The following CADM2 variants were observed in gnomAD, a reference collection of about 807,000 sequenced individuals.
CADM2 encodes the protein cell adhesion molecule 2, also known as immunoglobulin superfamily member 4D.
Under a neutral mutation model 49.8 loss-of-function variants are expected in CADM2, and 12 were observed. That is an observed-to-expected ratio of 0.24 (90% CI 0.15 to 0.39). CADM2 has a LOEUF of 0.39. Ranked by LOEUF, CADM2 falls within the 10% of genes least tolerant of loss-of-function variation. The pLI is 1.00. For synonymous variants in CADM2, 214 were observed against 175.4 expected (o/e 1.22, Z -1.74); for missense variants, 378 against 492.3 (o/e 0.77, Z 2.20).
chr3:85,363,286 G>C (rs1206500706), intron 1 of CADM2, among the ~76,000 whole-genome samples: 1 of 152,196 alleles, frequency 6.6e-6, no homozygotes, highest in Non-Finnish European at 1.5e-5. Flanking sequence ...TGCTGAAGCA[G>C]ACATCTGACA....
intron 7 of CADM2, among the ~76,000 whole-genome samples, chr3:85,958,045 C>T (rs1267104242): frequency 3.3e-5 from 5 of 151,902 alleles, no homozygotes; most frequent in Non-Finnish European, 7.4e-5. Flanking sequence ...GCAATCTACC[C>T]ATCTGACAAA....
chr3:85,298,091 C>T (rs911256891), intron 1 of CADM2, among the ~76,000 whole-genome samples: 2 of 151,998 alleles, frequency 1.3e-5, no homozygotes, highest in Middle Eastern at 3.2e-3. Context: ...ACTCCTACAT[C>T]CGTGTTTGCT....
At chr3:86,005,062 T>C (rs1271484908) in intron 8 of CADM2, among the ~76,000 whole-genome samples, 4 of 152,134 alleles carry the variant, frequency 2.6e-5, no homozygotes, top group Non-Finnish European at 5.9e-5. Context: ...TTATTGTTAC[T>C]GCTTTTCCCA....
At chr3:85,112,596 T>C (rs2038499551) in intron 1 of CADM2, among the ~76,000 whole-genome samples, 1 of 151,876 alleles carries the variant, frequency 6.6e-6, no homozygotes, top group East Asian at 1.9e-4. Flanking sequence ...GTATGTGAAT[T>C]ATTACAAAAA....
intron 1 of CADM2, among the ~76,000 whole-genome samples, chr3:85,516,229 C>G (rs1418951858): frequency 6.6e-6 from 1 of 152,070 alleles, no homozygotes; most frequent in Non-Finnish European, 1.5e-5. Flanking sequence ...CTTTTGTGAG[C>G]TCCTTTTACT....
intron 1 of CADM2, among the ~76,000 whole-genome samples, chr3:85,415,081 G>A (rs1329586714): frequency 6.6e-6 from 1 of 152,088 alleles, no homozygotes; most frequent in Non-Finnish European, 1.5e-5. Flanking sequence ...ATTCTAAACC[G>A]CTGAGACTTT....
chr3:85,204,172 A>C (rs927132081), intron 1 of CADM2, among the ~76,000 whole-genome samples: 14 of 152,210 alleles, frequency 9.2e-5, no homozygotes, highest in Admixed American at 1.3e-4. Flanking sequence ...AATTTATAAA[A>C]TGGTGACCTT....
intron 7 of CADM2, among the ~76,000 whole-genome samples, chr3:85,946,073 C>T: frequency 6.6e-6 from 1 of 152,172 alleles, no homozygotes. Flanking sequence ...TAAGCAACTT[C>T]AGCAAAGTCT....
chr3:84,999,723 T>C (rs2033360416), intron 1 of CADM2, among the ~76,000 whole-genome samples: 1 of 152,168 alleles, frequency 6.6e-6, no homozygotes, highest in African/African-American at 2.4e-5. Flanking sequence ...CAAATGACCA[T>C]GAAAGCACTG....
intron 1 of CADM2, among the ~76,000 whole-genome samples, chr3:85,220,744 C>T (rs1476076500): frequency 6.6e-6 from 1 of 151,818 alleles, no homozygotes; most frequent in African/African-American, 2.4e-5. Flanking sequence ...ACTTGAATAC[C>T]GCCTTAGGAG....
At chr3:85,427,215 G>C in intron 1 of CADM2, among the ~76,000 whole-genome samples, 1 of 140,910 alleles carries the variant, frequency 7.1e-6, no homozygotes, top group Non-Finnish European at 1.5e-5. Context: ...TAATAAGTTT[G>C]TAGCTACCAT....
intron 7 of CADM2, among the ~76,000 whole-genome samples, chr3:85,944,602 C>A (rs1265415221): frequency 6.6e-6 from 1 of 152,016 alleles, no homozygotes; most frequent in Non-Finnish European, 1.5e-5. Flanking sequence ...CAAACTAGAA[C>A]TCAGGATTAA....
At chr3:85,778,390 T>A (rs1034351778) in intron 2 of CADM2, among the ~76,000 whole-genome samples, 1 of 152,154 alleles carries the variant, frequency 6.6e-6, no homozygotes, top group Non-Finnish European at 1.5e-5. Context: ...TCACCTTGAA[T>A]TGTAATCCCC....
intron 2 of CADM2, among the ~76,000 whole-genome samples, chr3:85,732,592 G>C (rs1030058493): frequency 2.0e-5 from 3 of 152,076 alleles, no homozygotes; most frequent in African/African-American, 7.2e-5. Flanking sequence ...GTGCAATAAT[G>C]TTTATTAAGA....
chr3:85,134,203 C>G (rs1429451804), intron 1 of CADM2, among the ~76,000 whole-genome samples: 1 of 152,230 alleles, frequency 6.6e-6, no homozygotes, highest in Non-Finnish European at 1.5e-5. Flanking sequence ...AGCTGGCCCG[C>G]AAGCGCCGCG....
At chr3:85,135,539 T>G (rs2039391579) in intron 1 of CADM2, among the ~76,000 whole-genome samples, 1 of 152,108 alleles carries the variant, frequency 6.6e-6, no homozygotes. Context: ...TACTCATCAT[T>G]GTAATCAGAA....
chr3:85,544,449 C>T (rs1328061835), intron 1 of CADM2, among the ~76,000 whole-genome samples: 3 of 152,074 alleles, frequency 2.0e-5, no homozygotes, highest in African/African-American at 7.2e-5. Context: ...CTGTGGCGGA[C>T]GCCTGTAGTC....
At chr3:85,762,490 C>G (rs2069437700) in intron 2 of CADM2, among the ~76,000 whole-genome samples, 1 of 151,926 alleles carries the variant, frequency 6.6e-6, no homozygotes, top group Non-Finnish European at 1.5e-5. Context: ...AATCCCCATT[C>G]TCTGCCAAGC....
intron 8 of CADM2, among the ~76,000 whole-genome samples, chr3:86,009,232 CAT>C (rs1468899326): frequency 7.2e-6 from 1 of 138,804 alleles, no homozygotes; most frequent in African/African-American, 2.7e-5. Context: ...TATATATATA[CAT>C]ATATATATTC....
Sources: gnomAD v4.1 joint callset for allele counts (sites outside exome capture counted in the v4.1 genomes callset) on GRCh38, gnomAD v4.1.1 for gene constraint, MANE v1.5 for transcripts, NCBI Gene and HGNC (gene_info 2026-07-23, HGNC 2026-07-21) for gene names.